Variants in DTWD2 observed in about 807,000 individuals in gnomAD.
DTWD2 encodes tRNA-uridine aminocarboxypropyltransferase 2.
In DTWD2, 39 loss-of-function variants were observed where a neutral mutation model predicts 31.8. The ratio of observed to expected loss-of-function variants is 1.22; its 90% confidence interval spans 0.95 to 1.60. The LOEUF is 1.60. Ranked by LOEUF, DTWD2 falls within the 40% of genes most tolerant of loss-of-function variation. The pLI is 0.00. For missense variants in DTWD2, 515 were observed against 381.5 expected (o/e 1.35, Z -2.92); for synonymous variants, 180 against 142.8 (o/e 1.26, Z -1.86).
intron 4 of DTWD2, among the ~76,000 whole-genome samples, chr5:118,851,724 G>A (rs1460524045): frequency 6.6e-6 from 1 of 150,412 alleles, no homozygotes; most frequent in Non-Finnish European, 1.5e-5. Flanking sequence ...AGCATTTGGA[G>A]ATACACCTAA....
chr5:118,931,730 A>C (rs1278212077), intron 3 of DTWD2, among the ~76,000 whole-genome samples: 6 of 152,220 alleles, frequency 3.9e-5, no homozygotes, highest in South Asian at 2.1e-4. Flanking sequence ...CAGCATTATC[A>C]ATCAACTTGA....
intron 4 of DTWD2, among the ~76,000 whole-genome samples, chr5:118,912,850 G>A (rs1277389773): frequency 6.6e-6 from 1 of 152,144 alleles, no homozygotes; most frequent in African/African-American, 2.4e-5. Flanking sequence ...AATGAATTGG[G>A]TAAATGTATG....
intron 2 of DTWD2, among the ~76,000 whole-genome samples, chr5:118,943,019 G>A (rs1370159882): frequency 4.6e-5 from 7 of 152,052 alleles, no homozygotes; most frequent in African/African-American, 1.7e-4. Context: ...GCCCAGGCTG[G>A]TCTCAAACTT....
At chr5:118,951,991 T>C (rs1270993047) in intron 1 of DTWD2, among the ~76,000 whole-genome samples, 2 of 151,924 alleles carry the variant, frequency 1.3e-5, no homozygotes, top group East Asian at 3.9e-4. Flanking sequence ...GTCTCCTCTG[T>C]CTCTACCAGA....
rs1349042869 is a variant in DTWD2 at position 118,837,283 on chromosome 5, T to C, written c.*3634A>G. 1 of 152,180 alleles carries C rather than the reference T, an allele frequency of 6.6e-6. No homozygotes were observed. The allele number at this position is 152,180 out of a possible 1,614,324, so 9.4% of individuals were successfully genotyped here. A position where few individuals can be genotyped will look rare whatever the true frequency, so the allele number is the denominator to read the frequency against. ...AGAGTAATTCATTCTACAAAAAGCC[T>C]ACTTATGGGGCAAATTAAATGCAAA... On this transcript the variant is annotated 3_prime_UTR_variant, in exon 6 of 6. Coordinates refer to ENST00000510708, the MANE Select transcript of DTWD2 (RefSeq NM_173666.4).
In DTWD2 at chr5:118,958,173, G is replaced by A. The variant is rs181659862; in HGVS notation, c.219-13524C>T. Among the ~76,000 whole-genome samples, 22 of 151,944 alleles carry A rather than the reference G, an allele frequency of 1.4e-4. No individual in the cohort carries two copies. In the East Asian group the frequency reaches 1.9e-3, roughly 13 times the overall value. On this transcript the variant is annotated intron_variant, in intron 1 of 5. Transcript: ENST00000510708. ...AGAATAAATCAGACAGACCACTGGC[G>A]GCCAGGCGCGGTGGCTCACACCTGT...
intron 1 of DTWD2, among the ~76,000 whole-genome samples, chr5:118,948,620 GC>G (rs1754392411): frequency 6.6e-6 from 1 of 152,186 alleles, no homozygotes; most frequent in South Asian, 2.1e-4. Context: ...TAATGTGGGG[GC>G]CAGCCTAAAA....
intron 1 of DTWD2, among the ~76,000 whole-genome samples, chr5:118,965,763 CTCCCTAATCTCAAGT>C (rs1754831744): frequency 6.6e-6 from 1 of 152,120 alleles, no homozygotes; most frequent in African/African-American, 2.4e-5. Context: ...GTCATCACCA[CTCCCTAATCTCAAGT>C]GCCCAGGGAT....
intron 1 of DTWD2, chr5:118,973,974 G>A: frequency 1.3e-6 from 2 of 1,584,250 alleles, no homozygotes; most frequent in South Asian, 1.1e-5. Flanking sequence ...GAAGAAGGTG[G>A]GGAGGAAGAG....
chr5:118,935,217 T>C (rs1754011063), intron 3 of DTWD2, among the ~76,000 whole-genome samples: 1 of 152,238 alleles, frequency 6.6e-6, no homozygotes, highest in Non-Finnish European at 1.5e-5. Flanking sequence ...CCTTTCTCTG[T>C]ACCTTGCATT....
intron 3 of DTWD2, among the ~76,000 whole-genome samples, chr5:118,931,027 G>A (rs1439377332): frequency 6.6e-6 from 1 of 151,752 alleles, no homozygotes; most frequent in Non-Finnish European, 1.5e-5. Flanking sequence ...TAAGTTAAAT[G>A]GTATGTGAAT....
chr5:118,857,430 A>C (rs192795613), intron 4 of DTWD2, among the ~76,000 whole-genome samples: 5 of 152,298 alleles, frequency 3.3e-5, no homozygotes, highest in African/African-American at 1.2e-4. Context: ...AATGCTATTA[A>C]GACTTTTGTC....
chr5:118,848,438 T>C (rs550166762), intron 4 of DTWD2, among the ~76,000 whole-genome samples: 107 of 152,014 alleles, frequency 7.0e-4, no homozygotes, highest in African/African-American at 2.4e-3. Context: ...ACAACCAAAA[T>C]AAAAAGACTA....
At chr5:118,962,124 G>C (rs912478898) in intron 1 of DTWD2, among the ~76,000 whole-genome samples, 1 of 152,056 alleles carries the variant, frequency 6.6e-6, no homozygotes, top group African/African-American at 2.4e-5. Flanking sequence ...TGTAATCCCA[G>C]CTACTCAGGA....
Position 118,840,794 on chromosome 5 carries a change from T to C in DTWD2, c.*123A>G. The C allele has an allele frequency of 1.0e-6, 1 of 976,070 alleles. No homozygotes were observed. Among genetic ancestry groups the C allele is most frequent in the Non-Finnish European group, 1.4e-6 (1 of 719,734 alleles). 60.5% of individuals were successfully genotyped at this position (976,070 alleles called of 1,614,324 possible). On this transcript the variant is annotated 3_prime_UTR_variant, in exon 6 of 6. Coordinates refer to ENST00000510708, the MANE Select transcript of DTWD2 (RefSeq NM_173666.4). ...ATTTGGTTTACTTCCTTCTTCTGGG[T>C]AAGATTAGTATGCAATTCTCCTTCT...
chr5:118,851,267 C>T (rs566249324), intron 4 of DTWD2, among the ~76,000 whole-genome samples: 1 of 151,468 alleles, frequency 6.6e-6, no homozygotes, highest in South Asian at 2.1e-4. Flanking sequence ...GGTAACCCAC[C>T]CCCAATATTT....
intron 5 of DTWD2, among the ~76,000 whole-genome samples, chr5:118,847,770 C>T (rs754135950): frequency 1.3e-5 from 2 of 151,628 alleles, no homozygotes. Flanking sequence ...ACACAAAATA[C>T]CAAAAAGAGA....
At chr5:118,871,972 T>A (rs1752515570) in intron 4 of DTWD2, among the ~76,000 whole-genome samples, 1 of 152,222 alleles carries the variant, frequency 6.6e-6, no homozygotes, top group Non-Finnish European at 1.5e-5. Flanking sequence ...TAGCTAGATA[T>A]TCTGGATAGC....
rs1468484499 is a variant in DTWD2, at chr5:118,838,861, GT to G, written c.*2055del. 1 of 152,016 alleles carries G rather than the reference GT, an allele frequency of 6.6e-6. No individual in the cohort carries two copies. The highest frequency in any genetic ancestry group is 1.5e-5 in the Non-Finnish European group (1 of 68,006). The allele number at this position is 152,016 out of a possible 1,614,324, so 9.4% of individuals were successfully genotyped here. ...TGAGATACAAAATGGTATACTGGGG[GT>G]AGGGGGAGTTTTCTTTTTAAAAAAT... On this transcript the variant is annotated 3_prime_UTR_variant, in exon 6 of 6. Transcript: ENST00000510708.
Sources: gnomAD v4.1 joint callset for allele counts (sites outside exome capture counted in the v4.1 genomes callset) on GRCh38, gnomAD v4.1.1 for gene constraint, MANE v1.5 for transcripts, NCBI Gene and HGNC (gene_info 2026-07-23, HGNC 2026-07-21) for gene names.